Variants in PTPN13 observed in about 807,000 individuals in gnomAD.
PTPN13 encodes the protein protein tyrosine phosphatase non-receptor type 13.
In PTPN13, 191 loss-of-function variants were observed where a neutral mutation model predicts 284.0. The ratio of observed to expected loss-of-function variants is 0.67; its 90% CI spans 0.60 to 0.76. The LOEUF is 0.76. PTPN13 is among the 30% of genes least tolerant of loss of function. The pLI is 0.00. For missense variants in PTPN13, 2,797 were observed against 2,939.9 expected, an observed-to-expected ratio of 0.95 and a Z score of 1.12; for synonymous variants, 986 against 1,022.3, an observed-to-expected ratio of 0.96 and a Z score of 0.68.
chr4:86,722,392 A>C lies in PTPN13; in HGVS notation c.1566A>C (p.Arg522Ser), dbSNP rs1294486656. Residue 522 changes from arginine to serine, a missense_variant, in exon 10 of 48, where the codon AGA becomes AGC. Arg to Ser is a moderately radical substitution (Grantham distance 110, BLOSUM62 -1). Coordinates refer to ENST00000411767, the MANE Select transcript of PTPN13 (RefSeq NM_080683.3). ...SMLDITRDPLREIALETAMTQ... is the reference protein window; with the variant it reads ...SMLDITRDPLSEIALETAMTQ... ...TTGACATCACCAGGGATCCGTTAAG[A>C]GAAATTGCCCTAGAAACAGCCATGA... is the stretch of plus-strand genomic sequence containing the variant. 2.5e-5 allele frequency: 40 copies of C among 1,613,842 alleles called. No homozygotes were observed. The highest frequency in any genetic ancestry group is 3.3e-5 in the Non-Finnish European group (39 of 1,179,810).
intron 2 of PTPN13, among the ~76,000 whole-genome samples, chr4:86,660,610 C>T (rs1015946001): frequency 2.0e-5 from 3 of 151,968 alleles, no homozygotes; most frequent in Non-Finnish European, 4.4e-5. Flanking sequence ...GCCCTGCATT[C>T]GTAACTCCAG....
chr4:86,616,983 G>GA (rs1720621404), intron 1 of PTPN13, among the ~76,000 whole-genome samples: 1 of 151,982 alleles, frequency 6.6e-6, no homozygotes, highest in South Asian at 2.1e-4. Context: ...ATAGTTTGAG[G>GA]AAAAAATCTT....
chr4:86,693,601 C>T lies in PTPN13; in HGVS notation c.561C>T (p.Ser187=), dbSNP rs375206487. 7.8e-5 allele frequency: 121 copies of T among 1,551,340 alleles called. No homozygotes were observed. Among genetic ancestry groups the T allele is most frequent in the Non-Finnish European group, 1.3e-5 (15 of 1,144,654 alleles). Residue 187 remains serine (S), a synonymous_variant, in exon 6 of 48, where the codon TCC becomes TCT. Transcript: ENST00000411767. ...LGNLSGTDQL[S]CNSEQKPDRS... ...CCTGTGTACAGACAGATCAGCTTTC[C>T]TGTAACAGTGAACAAAAGCCTGATC... is the stretch of plus-strand genomic sequence containing the variant.
chr4:86,713,688 G>C (rs1437581659), intron 7 of PTPN13, among the ~76,000 whole-genome samples: 1 of 152,030 alleles, frequency 6.6e-6, no homozygotes, highest in African/African-American at 2.4e-5. Context: ...CCTAGAAACA[G>C]TGCAGAACTT....
chr4:86,672,499 G>T lies in PTPN13; in HGVS notation c.250G>T (p.Val84Phe), dbSNP rs532485930. 3.1e-6 allele frequency: 5 copies of T among 1,607,476 alleles called. No individual in the cohort carries two copies. The highest frequency in any genetic ancestry group is 2.2e-5 in the East Asian group (1 of 44,756). The change falls in exon 3 of 48, where the codon GTT becomes TTT. Residue 84 changes from valine to phenylalanine, a missense_variant. Val to Phe is a conservative substitution (Grantham distance 50). Transcript: ENST00000411767. ...TCTTCGAGCATTCACTGCACCAGAG[G>T]TTCTTCAAAATCAGTCACTAACTTC... ...QDLRAFTAPE[V>F]LQNQSLTSLS...
chr4:86,715,420 A>C (rs980180527), intron 7 of PTPN13, among the ~76,000 whole-genome samples: 1 of 152,154 alleles, frequency 6.6e-6, no homozygotes, highest in Non-Finnish European at 1.5e-5. Flanking sequence ...AAATATAAAG[A>C]GACACTGCTA....
In PTPN13 at chr4:86,712,673, A is replaced by G. The variant is rs547544679; in HGVS notation, c.1196-3857A>G. Among the ~76,000 whole-genome samples the G allele has an allele frequency of 9.9e-5, 15 of 152,240 alleles. No homozygotes were observed. The East Asian group carries it at 2.9e-3, about 29-fold the overall frequency. On this transcript the variant is annotated intron_variant, in intron 7 of 47. Coordinates refer to ENST00000411767, the MANE Select transcript of PTPN13 (RefSeq NM_080683.3). ...TTGTGTTTTGGAGTACCAGTGCTCTATTACTATAAAGCAGTAAAGTATCAT... is the reference window on the plus strand; with the variant it reads ...TTGTGTTTTGGAGTACCAGTGCTCTGTTACTATAAAGCAGTAAAGTATCAT...
chr4:86,638,315 T>C (rs2148738862), intron 2 of PTPN13, among the ~76,000 whole-genome samples: 1 of 152,182 alleles, frequency 6.6e-6, no homozygotes, highest in African/African-American at 2.4e-5. Context: ...CTTCCCAGAA[T>C]AGGAAAAAAC....
chr4:86,602,041 A>G (rs1397031588), intron 1 of PTPN13, among the ~76,000 whole-genome samples: 42 of 152,318 alleles, frequency 2.8e-4, no homozygotes, highest in Admixed American at 2.7e-3. Context: ...GATGTATTGT[A>G]CAGAGTGGCT....
At chr4:86,740,783 G>A (rs1736089776) in intron 15 of PTPN13, among the ~76,000 whole-genome samples, 3 of 152,090 alleles carry the variant, frequency 2.0e-5, no homozygotes, top group East Asian at 3.9e-4. Context: ...GCCTTTAACA[G>A]CACCCAAGTC....
intron 47 of PTPN13, among the ~76,000 whole-genome samples, chr4:86,814,100 T>A (rs1390945326): frequency 6.9e-6 from 1 of 145,432 alleles, no homozygotes; most frequent in African/African-American, 2.6e-5. Flanking sequence ...CTCCGCCTCC[T>A]GTGTCAAGCG....
At chr4:86,668,517 C>T (rs563997304) in intron 2 of PTPN13, among the ~76,000 whole-genome samples, 11 of 152,188 alleles carry the variant, frequency 7.2e-5, no homozygotes, top group East Asian at 3.9e-4. Context: ...TTTGTTGTCA[C>T]GGTTTCTTTA....
rs1447599426 is a variant in PTPN13, at chr4:86,734,626, T to C, written c.2013-111T>C. The C allele has an allele frequency of 1.0e-5, 14 of 1,339,336 alleles. No homozygotes were observed. In the Admixed American group the frequency reaches 1.6e-4, roughly 15 times the overall value. 83.0% of individuals were successfully genotyped at this position (1,339,336 alleles called of 1,614,324 possible). A position where few individuals can be genotyped will look rare whatever the true frequency, so the allele number is the denominator to read the frequency against. The stretch of plus-strand genomic sequence containing the variant: ...TAATCCTTATGCCTTAAAAGCTTAA[T>C]AATAAGCTTAGTAATAAACTCATGG... On this transcript the variant is annotated intron_variant, in intron 13 of 47. Coordinates refer to ENST00000411767, the MANE Select transcript of PTPN13 (RefSeq NM_080683.3).
In PTPN13 at chr4:86,764,582, T is replaced by C; in HGVS notation, c.4018-11T>C. ...CTAACAAGAAATCTTTGTTTGTTTTTCTTTGTTAAGGAATCTTCCTCTTCA... is the reference window on the plus strand; with the variant it reads ...CTAACAAGAAATCTTTGTTTGTTTTCCTTTGTTAAGGAATCTTCCTCTTCA... On this transcript the variant is annotated splice_polypyrimidine_tract_variant and intron_variant, in intron 24 of 47. Coordinates refer to ENST00000411767, the MANE Select transcript of PTPN13 (RefSeq NM_080683.3). The C allele has an allele frequency of 7.0e-7, 1 of 1,436,684 alleles. No homozygotes were observed. Among genetic ancestry groups the C allele is most frequent in the South Asian group, 1.5e-5 (1 of 66,654 alleles). The allele number at this position is 1,436,684 out of a possible 1,614,324, so 89.0% of individuals were successfully genotyped here. A position where few individuals can be genotyped will look rare whatever the true frequency, so the allele number is the denominator to read the frequency against.
intron 7 of PTPN13, among the ~76,000 whole-genome samples, chr4:86,708,748 G>A (rs1252875265): frequency 6.6e-6 from 1 of 151,928 alleles, no homozygotes. Flanking sequence ...TCTCTCTGCC[G>A]TGCAAGTTTG....
chr4:86,613,033 C>T (rs1720102240), intron 1 of PTPN13, among the ~76,000 whole-genome samples: 1 of 152,064 alleles, frequency 6.6e-6, no homozygotes, highest in African/African-American at 2.4e-5. Flanking sequence ...AAATGAAGAA[C>T]ACTGGAAATG....
At chr4:86,690,147 A>G (rs1578421315) in intron 5 of PTPN13, 1 of 156,002 alleles carries the variant, frequency 6.4e-6, no homozygotes, top group East Asian at 1.9e-4. Context: ...TCTATAGTGA[A>G]GGGAAATGTA....
chr4:86,648,514 A>G (rs1258588670), intron 2 of PTPN13, among the ~76,000 whole-genome samples: 3 of 152,156 alleles, frequency 2.0e-5, no homozygotes, highest in Admixed American at 6.5e-5. Context: ...TTCACTTAAC[A>G]TAATGTGCTC....
intron 40 of PTPN13, among the ~76,000 whole-genome samples, chr4:86,787,963 A>C (rs1300864005): frequency 2.0e-5 from 3 of 152,206 alleles, no homozygotes; most frequent in Non-Finnish European, 2.9e-5. Flanking sequence ...TGGAGTACAG[A>C]TAGATCCTGC....
Sources: allele counts gnomAD v4.1 joint callset (sites outside exome capture counted in the v4.1 genomes callset), GRCh38; gene constraint gnomAD v4.1.1; transcripts MANE v1.5; gene names NCBI Gene and HGNC (gene_info 2026-07-23, HGNC 2026-07-21).